LUZP2: variants seen among roughly 807,000 people sequenced by gnomAD.
The protein encoded by LUZP2 is leucine zipper protein 2.
LUZP2 carries 52 observed loss-of-function variants against 51.6 expected under a neutral mutation model. The ratio of observed to expected loss-of-function variants is 1.01; its 90% CI spans 0.81 to 1.27. The LOEUF (loss-of-function observed/expected upper bound fraction) is 1.27, where lower values mean the gene tolerates loss of function less well. LUZP2 is among the 50% of genes most tolerant of loss of function. The pLI, the probability that LUZP2 is intolerant of heterozygous loss-of-function variation, is 0.00. For synonymous variants in LUZP2, 154 were observed against 137.3 expected (o/e 1.12, Z -0.85); for missense variants, 436 against 395.4 (o/e 1.10, Z -0.87).
At chr11:24,791,380 T>A (rs2134095442) in intron 5 of LUZP2, among the ~76,000 whole-genome samples, 1 of 152,294 alleles carries the variant, frequency 6.6e-6, no homozygotes, top group African/African-American at 2.4e-5. Context: ...TTTAAAGGTA[T>A]ACCTTTTATG....
chr11:24,741,978 A>C (rs1277516541), intron 4 of LUZP2, among the ~76,000 whole-genome samples: 1 of 72,638 alleles, frequency 1.4e-5, no homozygotes, highest in Non-Finnish European at 3.3e-5. Context: ...ATATACATTT[A>C]TATATTATAT....
chr11:24,652,363 G>C (rs986062458), intron 1 of LUZP2, among the ~76,000 whole-genome samples: 1 of 152,014 alleles, frequency 6.6e-6, no homozygotes, highest in East Asian at 1.9e-4. Context: ...TTTTAACAAA[G>C]GGGTCATAAG....
intron 1 of LUZP2, among the ~76,000 whole-genome samples, chr11:24,598,762 T>C (rs1853527620): frequency 6.6e-6 from 1 of 152,128 alleles, no homozygotes. Context: ...CTAAAGCAAA[T>C]CTTTATGGCA....
intron 1 of LUZP2, among the ~76,000 whole-genome samples, chr11:24,511,391 T>C (rs912910514): frequency 4.0e-5 from 6 of 151,208 alleles, no homozygotes. Context: ...GTCGCTACAA[T>C]TTTTTTAATT....
intron 1 of LUZP2, among the ~76,000 whole-genome samples, chr11:24,678,519 A>G (rs760110557): frequency 3.3e-5 from 5 of 149,544 alleles, no homozygotes; most frequent in Non-Finnish European, 7.4e-5. Flanking sequence ...ACCTGTGAAA[A>G]GAAGGAAAAA....
chr11:25,005,506 T>A (rs1192303428), intron 9 of LUZP2, among the ~76,000 whole-genome samples: 2 of 152,126 alleles, frequency 1.3e-5, no homozygotes, highest in African/African-American at 4.8e-5. Flanking sequence ...ATGAGCCATC[T>A]CTTTTTCAGG....
chr11:24,694,307 ATATC>A (rs1266932710), intron 1 of LUZP2, among the ~76,000 whole-genome samples: 1 of 151,982 alleles, frequency 6.6e-6, no homozygotes, highest in Non-Finnish European at 1.5e-5. Context: ...ATTTCCCCAT[ATATC>A]TATCTGTTCA....
At chr11:24,848,140 T>TTGATATGATATGATA (rs11269785) in intron 5 of LUZP2, among the ~76,000 whole-genome samples, 12,059 of 151,338 alleles carry the variant, frequency 0.08, 512 homozygotes, top group Non-Finnish European at 0.085. Context: ...TAATATATGA[T>TTGATATGATATGATA]TGATATGATA....
chr11:24,909,394 G>A (rs996876495), intron 6 of LUZP2, among the ~76,000 whole-genome samples: 1 of 151,716 alleles, frequency 6.6e-6, no homozygotes, highest in East Asian at 1.9e-4. Context: ...GAAAGATAGA[G>A]CATCAATTAT....
chr11:24,617,652 C>T (rs1360508400), intron 1 of LUZP2, among the ~76,000 whole-genome samples: 2 of 151,982 alleles, frequency 1.3e-5, no homozygotes, highest in East Asian at 1.9e-4. Flanking sequence ...GAAACCTCAT[C>T]TCTATTAAAA....
chr11:25,012,841 T>C (rs1447040986), intron 9 of LUZP2, among the ~76,000 whole-genome samples: 2 of 152,120 alleles, frequency 1.3e-5, no homozygotes, highest in African/African-American at 2.4e-5. Context: ...AAACTAGAAC[T>C]ACCCTTCAAT....
At chr11:24,764,233 A>G (rs1860095518) in intron 5 of LUZP2, among the ~76,000 whole-genome samples, 1 of 152,184 alleles carries the variant, frequency 6.6e-6, no homozygotes, top group African/African-American at 2.4e-5. Context: ...AATCAGCAAT[A>G]TGAACCCAGT....
At chr11:24,765,919 C>T (rs551952625) in intron 5 of LUZP2, among the ~76,000 whole-genome samples, 1 of 152,050 alleles carries the variant, frequency 6.6e-6, no homozygotes, top group Non-Finnish European at 1.5e-5. Context: ...AGCTACCGCA[C>T]CCGGCCAATT....
intron 3 of LUZP2, 55 bp from the exon 4 acceptor site, chr11:24,738,166 G>C (rs1859012051): frequency 1.6e-6 from 2 of 1,213,306 alleles, no homozygotes; most frequent in Non-Finnish European, 2.4e-6. Flanking sequence ...ATGTTCATAG[G>C]AAATAATGGA....
rs1246908749 is a variant in LUZP2, at chr11:24,594,468, TA to T, written c.62+97164del. Reference sequence around the variant, plus strand: ...TCTTTTGATGCCCTGTGAAGAAGCATACTCTCAAGTTATTCAGGGATCGATA... The same window carrying T: ...TCTTTTGATGCCCTGTGAAGAAGCATCTCTCAAGTTATTCAGGGATCGATA... On this transcript the variant is annotated intron_variant, in intron 1 of 11. Transcript: ENST00000336930. Among the ~76,000 whole-genome samples, 4 of 152,288 alleles carry T rather than the reference TA, an allele frequency of 2.6e-5. No individual in the cohort carries two copies. In the East Asian group the frequency reaches 5.8e-4, roughly 22 times the overall value.
At chr11:24,774,381 T>TATAC (rs1184772523) in intron 5 of LUZP2, among the ~76,000 whole-genome samples, 51 of 93,974 alleles carry the variant, frequency 5.4e-4, no homozygotes, top group African/African-American at 2.1e-3. Flanking sequence ...TATATATATA[T>TATAC]ACATACACAC....
intron 1 of LUZP2, among the ~76,000 whole-genome samples, chr11:24,514,153 G>C (rs577182984): frequency 6.6e-6 from 1 of 152,180 alleles, no homozygotes; most frequent in East Asian, 1.9e-4. Flanking sequence ...CTGTGGAAGA[G>C]GAGTCTTGAT....
chr11:25,024,754 C>G (rs932363977), intron 9 of LUZP2, among the ~76,000 whole-genome samples: 4 of 150,592 alleles, frequency 2.7e-5, no homozygotes, highest in African/African-American at 9.9e-5. Context: ...CCATCCCCGT[C>G]AAGCTACCAA....
chr11:24,515,445 T>A (rs1850433784), intron 1 of LUZP2, among the ~76,000 whole-genome samples: 1 of 152,164 alleles, frequency 6.6e-6, no homozygotes, highest in African/African-American at 2.4e-5. Context: ...ACAAAGAACT[T>A]GATATCTATC....
Sources: allele counts gnomAD v4.1 joint callset (sites outside exome capture counted in the v4.1 genomes callset), GRCh38; gene constraint gnomAD v4.1.1; transcripts MANE v1.5; gene names NCBI Gene and HGNC (gene_info 2026-07-23, HGNC 2026-07-21).